C12orf42: variants seen among roughly 807,000 people sequenced by gnomAD.
C12orf42 encodes chromosome 12 open reading frame 42.
In C12orf42, 25 loss-of-function variants were observed where a neutral mutation model predicts 21.6. The observed-to-expected ratio is 1.16, with a 90% confidence interval of 0.84 to 1.62. The LOEUF (loss-of-function observed/expected upper bound fraction) is 1.62. Among genes scored for constraint, C12orf42 ranks in the 40% most tolerant of loss-of-function variants. The probability of loss-of-function intolerance (pLI) is 0.00; values close to 1 mark genes in which losing one functional copy is unlikely to be tolerated. For missense variants in C12orf42, 483 were observed against 459.3 expected (o/e 1.05, Z -0.47); for synonymous variants, 174 against 175.0 (o/e 0.99, Z 0.05).
At chr12:103,317,697 G>GT (rs67825483) in intron 4 of C12orf42, among the ~76,000 whole-genome samples, 19,040 of 151,744 alleles carry the variant, frequency 0.13, 1,401 homozygotes, top group African/African-American at 0.21. Flanking sequence ...ATTCTGAGTA[G>GT]TTTTTTTTAA....
chr12:103,294,448 A>G (rs1184906958), intron 4 of C12orf42, among the ~76,000 whole-genome samples: 2 of 128,854 alleles, frequency 1.6e-5, no homozygotes, highest in African/African-American at 6.8e-5. Flanking sequence ...GAAAGAAAGA[A>G]AGAAAGAAAG....
rs188721195 is a variant in C12orf42 at position 103,361,605 on chromosome 12, G to A, written c.259+7282C>T. Among the ~76,000 whole-genome samples the A allele has an allele frequency of 2.0e-5, 3 of 149,366 alleles. No homozygotes were observed. In the East Asian group the frequency reaches 6.1e-4, roughly 30 times the overall value. ...CCCTAAGTGCTTTCTCAGTTGAGAGGCTGCTAGTCCAGGGAAAGTTCTCAG... is the reference window on the plus strand; with the variant it reads ...CCCTAAGTGCTTTCTCAGTTGAGAGACTGCTAGTCCAGGGAAAGTTCTCAG... On this transcript the variant is annotated intron_variant, in intron 4 of 5. Coordinates refer to ENST00000548883, the MANE Select transcript of C12orf42 (RefSeq NM_198521.5).
chr12:103,309,366 C>T (rs1411850605), intron 4 of C12orf42, among the ~76,000 whole-genome samples: 2 of 152,108 alleles, frequency 1.3e-5, no homozygotes, highest in African/African-American at 4.8e-5. Context: ...ACATATTTTA[C>T]AATTTTCTTA....
the C12orf42 span, among the ~76,000 whole-genome samples, chr12:103,138,271 C>T: frequency 1.1e-4 from 17 of 152,158 alleles, no homozygotes; most frequent in African/African-American, 3.9e-4. Context: ...GAAGTGTAAT[C>T]CCCACAGACA....
the C12orf42 span, among the ~76,000 whole-genome samples, chr12:103,062,408 G>T: frequency 9.2e-5 from 14 of 151,666 alleles, no homozygotes; most frequent in Non-Finnish European, 1.8e-4. Context: ...ATTTTTACTT[G>T]ATACTAAATT....
At chr12:103,094,240 G>A in the C12orf42 span, among the ~76,000 whole-genome samples, 1 of 152,142 alleles carries the variant, frequency 6.6e-6, no homozygotes, top group African/African-American at 2.4e-5. Flanking sequence ...CCTTCTTCAA[G>A]TCTGGATTCT....
At chr12:103,049,698 A>G in the C12orf42 span, among the ~76,000 whole-genome samples, 2 of 152,182 alleles carry the variant, frequency 1.3e-5, no homozygotes, top group Non-Finnish European at 2.9e-5. Flanking sequence ...TCTTTTAGTC[A>G]CAGTGCCTCT....
chr12:103,443,790 T>C (rs1419268530), intron 2 of C12orf42, among the ~76,000 whole-genome samples: 1 of 151,924 alleles, frequency 6.6e-6, no homozygotes, highest in African/African-American at 2.4e-5. Flanking sequence ...TCATGTTGAG[T>C]TGAGATCAGA....
At chr12:103,354,182 G>A (rs1480063537) in intron 4 of C12orf42, among the ~76,000 whole-genome samples, 3 of 152,154 alleles carry the variant, frequency 2.0e-5, no homozygotes, top group Non-Finnish European at 4.4e-5. Context: ...CAAAGAAGGA[G>A]TTGGTCTGAG....
chr12:103,197,702 A>G, the C12orf42 span, among the ~76,000 whole-genome samples: 1 of 152,134 alleles, frequency 6.6e-6, no homozygotes, highest in African/African-American at 2.4e-5. Flanking sequence ...ATGTTCCTTC[A>G]ATCTTTGAAG....
the C12orf42 span, among the ~76,000 whole-genome samples, chr12:103,209,770 A>T: frequency 2.6e-3 from 395 of 152,304 alleles, 1 homozygote; most frequent in Non-Finnish European, 4.9e-3. Flanking sequence ...GTGCATGGCC[A>T]GTCAAGCCTT....
intron 4 of C12orf42, among the ~76,000 whole-genome samples, chr12:103,346,858 A>C (rs1420822244): frequency 1.3e-5 from 2 of 152,214 alleles, no homozygotes; most frequent in East Asian, 1.9e-4. Flanking sequence ...TTATGGCTTA[A>C]AACAAGTTTC....
At chr12:103,495,559 C>T (rs1259689482) in intron 1 of C12orf42, among the ~76,000 whole-genome samples, 2 of 152,016 alleles carry the variant, frequency 1.3e-5, no homozygotes, top group Non-Finnish European at 2.9e-5. Flanking sequence ...CATCTGCTCG[C>T]TGTCAATGCA....
intron 10 of C12orf42, among the ~76,000 whole-genome samples, chr12:103,247,991 A>G (rs1002530645): frequency 6.6e-5 from 10 of 152,166 alleles, no homozygotes; most frequent in African/African-American, 2.2e-4. Flanking sequence ...CTGAGGCTTG[A>G]AAAAGATAAG....
At chr12:103,477,564 T>A (rs937978162) in intron 2 of C12orf42, among the ~76,000 whole-genome samples, 1 of 152,064 alleles carries the variant, frequency 6.6e-6, no homozygotes, top group Non-Finnish European at 1.5e-5. Flanking sequence ...GGATCCAGTA[T>A]AATATAATCC....
In C12orf42 at chr12:103,306,225, A is replaced by G; in HGVS notation, c.380T>C (p.Phe127Ser). 1 of 1,613,940 alleles carries G rather than the reference A, an allele frequency of 6.2e-7. No individual in the cohort carries two copies. The highest frequency in any genetic ancestry group is 8.5e-7 in the Non-Finnish European group (1 of 1,179,884). The change falls in exon 5 of 6, where the codon TTC becomes TCC. Residue 127 changes from phenylalanine to serine, a missense_variant. Physicochemically the swap from Phe to Ser is radical, Grantham distance 155. Transcript: ENST00000548883. ...ACTGGATGGTGCTGGAGAGGAACGG[A>G]ATTCTTCATAGCTTTCTTCATCAAA... ...VSFDEESYEE[F>S]RSSPAPSSET... is the part of the protein sequence containing the mutation.
At chr12:103,434,340 T>C (rs1249598879) in intron 2 of C12orf42, among the ~76,000 whole-genome samples, 2 of 152,180 alleles carry the variant, frequency 1.3e-5, no homozygotes, top group African/African-American at 4.8e-5. Flanking sequence ...CACTCTGTTC[T>C]ACCCAAATTA....
chr12:103,125,306 C>A, the C12orf42 span, among the ~76,000 whole-genome samples: 1 of 152,040 alleles, frequency 6.6e-6, no homozygotes, highest in Non-Finnish European at 1.5e-5. Flanking sequence ...ATCCAAGATC[C>A]AGAGGTGATA....
rs3063699 is a variant in C12orf42, at chr12:103,281,915, AAAAGAAAGAAAGAAAGAAAGAAAG to A, written n.338-4729_338-4706del. ...AAAGAAAGAAAGAAAAGAAGAAAGA[AAAAGAAAGAAAGAAAGAAAGAAAG>A]AAAGAAAGAAAGAAAGAAAGAAAGA... is the stretch of plus-strand genomic sequence containing the variant. On this transcript the variant is annotated intron_variant and non_coding_transcript_variant, in intron 4 of 6. Coordinates refer to the C12orf42 transcript ENST00000546526. Among the ~76,000 whole-genome samples, 5 of 141,828 alleles carry A rather than the reference AAAAGAAAGAAAGAAAGAAAGAAAG, an allele frequency of 3.5e-5. No homozygotes were observed. The East Asian group carries it at 6.3e-4, about 18-fold the overall frequency. 93.0% of individuals were successfully genotyped at this position (141,828 alleles called of 152,430 possible).
Sources: gnomAD v4.1 joint callset for allele counts (sites outside exome capture counted in the v4.1 genomes callset) on GRCh38, gnomAD v4.1.1 for gene constraint, MANE v1.5 for transcripts, NCBI Gene and HGNC (gene_info 2026-07-23, HGNC 2026-07-21) for gene names.